Variants in PKP1 observed in about 807,000 individuals in gnomAD.
The protein encoded by PKP1 is plakophilin 1.
A neutral mutation model predicts 76.4 loss-of-function variants in PKP1; 27 were observed. The observed-to-expected ratio is 0.35, with a 90% confidence interval of 0.26 to 0.49. PKP1 has a LOEUF of 0.49. Among genes scored for constraint, PKP1 ranks in the 20% least tolerant of loss-of-function variants. PKP1 has a pLI of 0.99. For missense variants in PKP1, 964 were observed against 955.2 expected (o/e 1.01, Z -0.12); for synonymous variants, 404 against 384.2 (o/e 1.05, Z -0.60).
chr1:201,312,891 T>C (rs1016361184), intron 2 of PKP1, among the ~76,000 whole-genome samples: 6 of 152,236 alleles, frequency 3.9e-5, no homozygotes, highest in Non-Finnish European at 5.9e-5. Context: ...CACTGCACTC[T>C]GATATTTTAT....
Position 201,283,823 on chromosome 1 carries a change from G to C in PKP1, c.121G>C (p.Val41Leu). ...AACAGGCACGTCTGGCAGGCAGCGC[G>C]TGCAGGAGCAGGTGATGATGACCGT... ...MKTGTSGRQR[V>L]QEQVMMTVKR... is the part of the protein sequence containing the mutation. Residue 41 changes from valine (V) to leucine (L), a missense_variant, in exon 1 of 14, where the codon GTG (valine) becomes CTG (leucine). By Grantham distance (32) the Val-to-Leu change is conservative. Transcript: ENST00000367324. The C allele has an allele frequency of 6.2e-7, 1 of 1,614,174 alleles. No homozygotes were observed. The highest frequency in any genetic ancestry group is 8.5e-7 in the Non-Finnish European group (1 of 1,179,994).
chr1:201,320,914 A>T (rs538141398), intron 7 of PKP1, among the ~76,000 whole-genome samples: 1 of 152,246 alleles, frequency 6.6e-6, no homozygotes, highest in Middle Eastern at 3.4e-3. Flanking sequence ...CCTCCCAGAA[A>T]AGCCATTGGC....
intron 2 of PKP1, among the ~76,000 whole-genome samples, chr1:201,296,315 C>T (rs1176106941): frequency 3.3e-5 from 5 of 152,122 alleles, no homozygotes; most frequent in Admixed American, 2.0e-4. Context: ...GGAGAGCAGG[C>T]GAAAAGGCAA....
intron 6 of PKP1, chr1:201,319,865 A>G (rs1656884660): frequency 6.2e-6 from 10 of 1,614,056 alleles, no homozygotes; most frequent in Non-Finnish European, 8.5e-6. Flanking sequence ...GCAAAGGGCC[A>G]CTAGTAGCAG....
chr1:201,325,040 G>A lies in PKP1; in HGVS notation c.1934G>A (p.Arg645Lys), dbSNP rs757610907. 4.5e-5 allele frequency: 73 copies of A among 1,613,810 alleles called. No homozygotes were observed. Among genetic ancestry groups the A allele is most frequent in the Non-Finnish European group, 5.7e-5 (67 of 1,180,026 alleles). Residue 645 changes from arginine to lysine, a missense_variant, in exon 11 of 14, where the codon AGG becomes AAG. Coordinates refer to ENST00000367324, the MANE Select transcript of PKP1 (RefSeq NM_001005337.3). ...TTGTCCTCGGCCTGCTACACTGTGA[G>A]GAACCTGATGGCCTCGCAGCCACAA... The part of the protein sequence containing the change: ...DILSSACYTV[R>K]NLMASQPQLA...
At chr1:201,288,119 G>A (rs146631552) in intron 1 of PKP1, among the ~76,000 whole-genome samples, 8 of 152,280 alleles carry the variant, frequency 5.3e-5, no homozygotes, top group Admixed American at 1.3e-4. Context: ...GCCCAGCCTG[G>A]CATCTACCTG....
intron 1 of PKP1, among the ~76,000 whole-genome samples, chr1:201,286,996 C>G (rs1002497880): frequency 1.3e-5 from 2 of 152,188 alleles, no homozygotes; most frequent in African/African-American, 4.8e-5. Context: ...CAGATCACAC[C>G]CAGCTCAGTG....
intron 13 of PKP1, among the ~76,000 whole-genome samples, chr1:201,329,129 G>A (rs1481318183): frequency 6.6e-6 from 1 of 152,140 alleles, no homozygotes; most frequent in East Asian, 1.9e-4. Flanking sequence ...CAAATGTGTG[G>A]GTTGTACACT....
intron 2 of PKP1, among the ~76,000 whole-genome samples, chr1:201,311,470 C>T (rs1314602456): frequency 1.3e-5 from 2 of 152,206 alleles, no homozygotes; most frequent in African/African-American, 4.8e-5. Context: ...CCAAGGTTAA[C>T]AGTCTGTGGC....
intron 3 of PKP1, among the ~76,000 whole-genome samples, chr1:201,314,224 A>C (rs1313409701): frequency 6.6e-6 from 1 of 152,194 alleles, no homozygotes; most frequent in East Asian, 1.9e-4. Context: ...AGGCCGAGGC[A>C]GGAGCGGGTA....
At position 201,325,749 on chromosome 1, in the gene PKP1, C is replaced by A. The variant is rs773567854; in HGVS notation, c.2022-5C>A. 6.2e-7 allele frequency: 1 copy of A among 1,611,028 alleles called. No homozygotes were observed. The highest frequency in any genetic ancestry group is 8.5e-7 in the Non-Finnish European group (1 of 1,177,194). On this transcript the variant is annotated splice_region_variant and splice_polypyrimidine_tract_variant and intron_variant, in intron 11 of 13. Coordinates refer to ENST00000367324, the MANE Select transcript of PKP1 (RefSeq NM_001005337.3). ...ATCTCACAAATGCACTTCTCACCTG[C>A]CCAGTGCCTCACCCAAGGCCGCAGA...
intron 1 of PKP1, among the ~76,000 whole-genome samples, chr1:201,293,569 C>T (rs1030823798): frequency 1.3e-5 from 2 of 152,154 alleles, no homozygotes; most frequent in Non-Finnish European, 2.9e-5. Context: ...GAGTGGGAAT[C>T]TTATCCTTGT....
At chr1:201,307,966 C>T (rs1656419135) in intron 2 of PKP1, among the ~76,000 whole-genome samples, 2 of 152,150 alleles carry the variant, frequency 1.3e-5, no homozygotes, top group South Asian at 2.1e-4. Context: ...GCTGGAGAAC[C>T]GGTTTGGCCG....
At chr1:201,320,432 T>A (rs1656904344) in intron 7 of PKP1, 51 bp downstream of exon 7, 1 of 1,218,800 alleles carries the variant, frequency 8.2e-7, no homozygotes, top group East Asian at 2.4e-5. Flanking sequence ...GCCCCCTACA[T>A]TTTCTGGGTG....
chr1:201,313,908 A>T (rs2102174198), intron 3 of PKP1, among the ~76,000 whole-genome samples: 1 of 152,312 alleles, frequency 6.6e-6, no homozygotes, highest in African/African-American at 2.4e-5. Context: ...TCATTTGGGG[A>T]CCCACCCAGA....
intron 2 of PKP1, among the ~76,000 whole-genome samples, chr1:201,310,711 C>G (rs1339147590): frequency 2.0e-5 from 3 of 152,176 alleles, no homozygotes; most frequent in Admixed American, 6.5e-5. Context: ...ACCCAGCTGT[C>G]CTCAGGCAGC....
chr1:201,322,106 C>T lies in PKP1; in HGVS notation c.1476C>T (p.Cys492=), dbSNP rs1215641491. The T allele has an allele frequency of 6.2e-7, 1 of 1,612,568 alleles. No homozygotes were observed. The highest frequency in any genetic ancestry group is 1.7e-5 in the Admixed American group (1 of 60,022). The change falls in exon 8 of 14, where the codon TGC becomes TGT. Residue 492 remains cysteine (C), a synonymous_variant. Coordinates refer to ENST00000367324, the MANE Select transcript of PKP1 (RefSeq NM_001005337.3). ...NAYTEKSSTG[C]FSNKSDKMMN... ...ACACCGAGAAGTCCTCCACTGGCTG[C>T]TTCAGCAACAAGAGCGACAAGATGA...
intron 6 of PKP1, among the ~76,000 whole-genome samples, chr1:201,319,473 G>T (rs1011999027): frequency 1.3e-5 from 2 of 152,236 alleles, no homozygotes; most frequent in Non-Finnish European, 2.9e-5. Flanking sequence ...CCCCCAGAGT[G>T]GTGGGTGCAG....
intron 2 of PKP1, among the ~76,000 whole-genome samples, chr1:201,299,911 T>A (rs1361899342): frequency 6.6e-6 from 1 of 152,244 alleles, no homozygotes; most frequent in Non-Finnish European, 1.5e-5. Flanking sequence ...CGGCAGTGCC[T>A]GCCGGGCCTC....
Sources: gnomAD v4.1 joint callset for allele counts (sites outside exome capture counted in the v4.1 genomes callset) on GRCh38, gnomAD v4.1.1 for gene constraint, MANE v1.5 for transcripts, NCBI Gene and HGNC (gene_info 2026-07-23, HGNC 2026-07-21) for gene names.